Variants in AMDHD1 observed in about 807,000 individuals in gnomAD.
AMDHD1 encodes probable imidazolonepropionase.
AMDHD1 carries 45 observed loss-of-function variants against 44.1 expected under a neutral mutation model. The ratio of observed to expected loss-of-function variants is 1.02; its 90% CI spans 0.80 to 1.31. The LOEUF is 1.31. Ranked by LOEUF, AMDHD1 falls within the 50% of genes most tolerant of loss-of-function variation. The pLI is 0.00. For synonymous variants in AMDHD1, 206 were observed against 205.0 expected (o/e 1.00, Z -0.04); for missense variants, 586 against 552.1 (o/e 1.06, Z -0.61).
intron 6 of AMDHD1, among the ~76,000 whole-genome samples, chr12:95,964,562 G>A (rs1482392099): frequency 6.6e-6 from 1 of 152,086 alleles, no homozygotes; most frequent in Non-Finnish European, 1.5e-5. Context: ...ATTTGAAGCT[G>A]TACCCTTTCC....
At chr12:95,963,250 A>AC (rs1462013193) in intron 6 of AMDHD1, among the ~76,000 whole-genome samples, 1 of 152,050 alleles carries the variant, frequency 6.6e-6, no homozygotes, top group Non-Finnish European at 1.5e-5. Flanking sequence ...GTGGTTCTCA[A>AC]CCCCAGGGTA....
chr12:95,948,651 C>T (rs1169506072), intron 1 of AMDHD1, among the ~76,000 whole-genome samples: 2 of 77,802 alleles, frequency 2.6e-5, no homozygotes, highest in Non-Finnish European at 4.8e-5. Flanking sequence ...TCATTGAGAA[C>T]GGGCCAGGAT....
At chr12:95,943,594 C>T in intron 1 of AMDHD1, 59 bp downstream of exon 1, 4 of 1,394,350 alleles carry the variant, frequency 2.9e-6, no homozygotes, top group Non-Finnish European at 3.7e-6. Context: ...CGCTCTTCCT[C>T]TCACTGTGCA....
In AMDHD1 at chr12:95,967,837, A is replaced by G; in HGVS notation, c.1275A>G (p.Lys425=). 1 of 1,579,324 alleles carries G rather than the reference A, an allele frequency of 6.3e-7. No homozygotes were observed. The highest frequency in any genetic ancestry group is 8.6e-7 in the Non-Finnish European group (1 of 1,160,332). Residue 425 remains lysine, a synonymous_variant, in exon 9 of 9, where the codon AAA becomes AAG. Coordinates refer to ENST00000266736, the MANE Select transcript of AMDHD1 (RefSeq NM_152435.3). ...YVIAKGKLIY[K]T ...TAGCTAAAGGAAAACTCATCTATAA[A>G]ACATGATAGATTTGAAAAGAGAAGA...
chr12:95,943,810 G>A (rs771706513), intron 1 of AMDHD1, among the ~76,000 whole-genome samples: 4 of 152,134 alleles, frequency 2.6e-5, no homozygotes, highest in Non-Finnish European at 5.9e-5. Flanking sequence ...AAGGGGTTGA[G>A]GTCCTCCCCA....
chr12:95,960,166 A>G (rs2080573639), intron 4 of AMDHD1, among the ~76,000 whole-genome samples: 1 of 152,100 alleles, frequency 6.6e-6, no homozygotes. Flanking sequence ...AAACCATTTG[A>G]GTCTCTGTGC....
chr12:95,964,287 C>G (rs920328073), intron 6 of AMDHD1, among the ~76,000 whole-genome samples: 1 of 152,180 alleles, frequency 6.6e-6, no homozygotes, highest in Non-Finnish European at 1.5e-5. Flanking sequence ...ATCTCTGCAT[C>G]AGGAGAGACC....
In AMDHD1 at chr12:95,949,140, T is replaced by TAAAAAAAAAAAAAAAAAAAA. The variant is rs1170844527; in HGVS notation, c.138-3558_138-3557insAAAAAAAAAAAAAAAAAAAA. On this transcript the variant is annotated intron_variant, in intron 1 of 8. Coordinates refer to ENST00000266736, the MANE Select transcript of AMDHD1 (RefSeq NM_152435.3). ...AAGAATTATCAATAAAAAAATAAAT[T>TAAAAAAAAAAAAAAAAAAAA]AAAAAAAAAAAAAAAAAAAGAAAAA... Among the ~76,000 whole-genome samples the TAAAAAAAAAAAAAAAAAAAA allele has an allele frequency of 6.6e-3, 29 of 4,410 alleles. 1 individual carries two copies. The highest frequency in any genetic ancestry group is 0.023 in the Admixed American group (6 of 260). The allele number at this position is 4,410 out of a possible 152,430, so 2.9% of individuals were successfully genotyped here.
Position 95,962,470 on chromosome 12 carries a change from A to T in AMDHD1, c.929A>T (p.Tyr310Phe). ...CSAILLPTTA[Y>F]MLRLKQPRAR... ...GCCATCCTTCTGCCCACCACAGCCT[A>T]CATGCTGAGGTAAGGTCGTTTCTCA... The change falls in exon 6 of 9, where the codon TAC becomes TTC. Residue 310 changes from tyrosine (Y) to phenylalanine (F), a missense_variant. Transcript: ENST00000266736. 1 of 1,605,172 alleles carries T rather than the reference A, an allele frequency of 6.2e-7. No homozygotes were observed.
intron 1 of AMDHD1, among the ~76,000 whole-genome samples, chr12:95,947,940 G>A (rs1384504131): frequency 1.1e-3 from 133 of 123,682 alleles, no homozygotes; most frequent in Non-Finnish European, 1.3e-3. Flanking sequence ...GAGGGAGGTG[G>A]GGGGGTCAGC....
intron 8 of AMDHD1, 38 bp downstream of exon 8, chr12:95,966,546 C>T: frequency 3.1e-6 from 5 of 1,611,352 alleles, no homozygotes; most frequent in South Asian, 1.1e-5. Context: ...ATATTATGCC[C>T]ACTGAAGTAT....
At chr12:95,950,613 C>T (rs745716310) in intron 1 of AMDHD1, among the ~76,000 whole-genome samples, 48 of 152,180 alleles carry the variant, frequency 3.2e-4, no homozygotes, top group Non-Finnish European at 5.4e-4. Context: ...TGCAATACTC[C>T]ATGGGGTCCT....
chr12:95,967,890 AT>A lies in AMDHD1; in HGVS notation c.*48del. 8.0e-7 allele frequency: 1 copy of A among 1,255,016 alleles called. No homozygotes were observed. Among genetic ancestry groups the A allele is most frequent in the South Asian group, 1.4e-5 (1 of 71,816 alleles). The allele number at this position is 1,255,016 out of a possible 1,614,324, so 77.7% of individuals were successfully genotyped here. On this transcript the variant is annotated 3_prime_UTR_variant, in exon 9 of 9. Coordinates refer to ENST00000266736, the MANE Select transcript of AMDHD1 (RefSeq NM_152435.3). ...TTTTGACTATATGAAATAAGTCAAT[AT>A]AGTTATATTAAAAGTTAAAACACCT...
intron 1 of AMDHD1, among the ~76,000 whole-genome samples, chr12:95,944,163 G>A (rs886273953): frequency 2.0e-5 from 3 of 152,026 alleles, no homozygotes; most frequent in African/African-American, 4.8e-5. Context: ...GTTTGAGGGC[G>A]ACCTGGGGTA....
intron 4 of AMDHD1, among the ~76,000 whole-genome samples, chr12:95,958,848 A>G (rs1031415460): frequency 6.6e-6 from 1 of 152,072 alleles, no homozygotes; most frequent in Non-Finnish European, 1.5e-5. Context: ...CTGAGGTCAG[A>G]AGTTTGAGAC....
chr12:95,964,611 G>A (rs545860945), intron 6 of AMDHD1, among the ~76,000 whole-genome samples: 20 of 152,008 alleles, frequency 1.3e-4, no homozygotes, highest in South Asian at 6.2e-4. Flanking sequence ...CCTCTCATAC[G>A]TTGTTGAAAA....
intron 3 of AMDHD1, 82 bp from the exon 4 acceptor site, chr12:95,956,603 A>C (rs1284328379): frequency 6.4e-7 from 1 of 1,553,850 alleles, no homozygotes; most frequent in African/African-American, 1.4e-5. Context: ...TCATTATATA[A>C]TATTGCCCCT....
intron 2 of AMDHD1, among the ~76,000 whole-genome samples, chr12:95,954,401 C>T (rs1169053598): frequency 7.9e-5 from 12 of 151,744 alleles, no homozygotes; most frequent in Non-Finnish European, 1.5e-4. Context: ...CAAGACCAAC[C>T]TGGGCAACAT....
At position 95,964,489 on chromosome 12, in the gene AMDHD1, TC is replaced by T. The variant is rs558631925; in HGVS notation, c.939-1195del. 1.2e-4 allele frequency among the ~76,000 whole-genome samples: 18 copies of T among 152,260 alleles called. No homozygotes were observed. In the South Asian group the frequency reaches 3.7e-3, roughly 32 times the overall value. ...CTAATACTTTTACAGCCTCACTTTTTCCTCTTTTACCCCTAAGTATTTATGG... is the reference window on the plus strand; with the variant it reads ...CTAATACTTTTACAGCCTCACTTTTTCTCTTTTACCCCTAAGTATTTATGG... On this transcript the variant is annotated intron_variant, in intron 6 of 8. Transcript: ENST00000266736.
Sources: gnomAD v4.1 joint callset for allele counts (sites outside exome capture counted in the v4.1 genomes callset) on GRCh38, gnomAD v4.1.1 for gene constraint, MANE v1.5 for transcripts, NCBI Gene and HGNC (gene_info 2026-07-23, HGNC 2026-07-21) for gene names.